Variants in MARCHF8 observed in about 807,000 individuals in gnomAD.
The protein encoded by MARCHF8 is E3 ubiquitin-protein ligase MARCHF8.
In MARCHF8, 40 loss-of-function variants were observed where a neutral mutation model predicts 51.6. That is an observed-to-expected ratio of 0.77 (90% CI 0.60 to 1.01). MARCHF8 has a LOEUF of 1.01. Ranked by LOEUF, MARCHF8 falls within the 50% of genes least tolerant of loss-of-function variation. MARCHF8 has a pLI of 0.00. For synonymous variants in MARCHF8, 263 were observed against 280.3 expected (o/e 0.94, Z 0.62); for missense variants, 685 against 708.6 (o/e 0.97, Z 0.38).
upstream of MARCHF8, among the ~76,000 whole-genome samples, chr10:45,538,963 C>A (rs1396852229): frequency 6.6e-6 from 1 of 152,148 alleles, no homozygotes; most frequent in Non-Finnish European, 1.5e-5. Context: ...CTGCACCAAG[C>A]GGACCTAATA....
At chr10:45,471,898 C>A (rs559867591) in intron 3 of MARCHF8, among the ~76,000 whole-genome samples, 60 of 152,308 alleles carry the variant, frequency 3.9e-4, no homozygotes, top group African/African-American at 1.3e-3. Flanking sequence ...AGAGAGTAAA[C>A]CTGCAGGTCT....
chr10:45,557,408 CG>C (rs2044264567), intron 1 of MARCHF8, among the ~76,000 whole-genome samples: 1 of 151,948 alleles, frequency 6.6e-6, no homozygotes. Context: ...GGATTACAGA[CG>C]TGAGACACCA....
chr10:45,504,542 A>G lies in MARCHF8; in HGVS notation c.103-15125T>C, dbSNP rs147093952. Among the ~76,000 whole-genome samples, 668 of 152,354 alleles carry G rather than the reference A, an allele frequency of 4.4e-3. 4 individuals are homozygous for G. The highest frequency in any genetic ancestry group is 0.015 in the African/African-American group (637 of 41,576). The stretch of plus-strand genomic sequence containing the variant: ...GTGTTTTTTCTGTATAAGCTAATCA[A>G]TACAGGACACCAGCTATCTAATTAC... On this transcript the variant is annotated intron_variant, in intron 2 of 7. Coordinates refer to ENST00000453424, the MANE Select transcript of MARCHF8 (RefSeq NM_001282866.2).
At chr10:45,532,562 T>A (rs1994426) in intron 2 of MARCHF8, among the ~76,000 whole-genome samples, 3 of 152,096 alleles carry the variant, frequency 2.0e-5, no homozygotes, top group Non-Finnish European at 2.9e-5. Flanking sequence ...TTCCTCCCTC[T>A]ATGCCATGTG....
At position 45,568,673 on chromosome 10, in the gene MARCHF8, GGCACCACTGCACTCCA is replaced by G. The variant is rs1274841301; in HGVS notation, c.-79+25546_-79+25561del. Among the ~76,000 whole-genome samples the G allele has an allele frequency of 2.1e-5, 3 of 144,198 alleles. No individual in the cohort carries two copies. The Admixed American group carries it at 2.1e-4, about 10-fold the overall frequency. The allele number at this position is 144,198 out of a possible 152,430, so 94.6% of individuals were successfully genotyped here. On this transcript the variant is annotated intron_variant, in intron 1 of 6. Coordinates refer to the MARCHF8 transcript ENST00000319836. Reference sequence around the variant, plus strand: ...GGCGGAGGTTGCAGTGAGTTGAGATGGCACCACTGCACTCCAGCCTGGTGACAGAGCGAGACTGTTT... The same window carrying G: ...GGCGGAGGTTGCAGTGAGTTGAGATGGCCTGGTGACAGAGCGAGACTGTTT...
At chr10:45,533,346 A>G in intron 1 of MARCHF8, 57 bp from the exon 2 acceptor site, 2 of 1,115,680 alleles carry the variant, frequency 1.8e-6, no homozygotes, top group Non-Finnish European at 2.3e-6. Context: ...TTAAATTTCC[A>G]AGAGTGAGCT....
chr10:45,568,123 T>C (rs1300877065), intron 1 of MARCHF8, among the ~76,000 whole-genome samples: 1 of 152,254 alleles, frequency 6.6e-6, no homozygotes, highest in African/African-American at 2.4e-5. Context: ...TACGTTAATT[T>C]TGTATCCTGC....
chr10:45,481,387 A>G (rs2042884695), intron 3 of MARCHF8, among the ~76,000 whole-genome samples: 1 of 152,132 alleles, frequency 6.6e-6, no homozygotes, highest in Non-Finnish European at 1.5e-5. Context: ...TGAGGACATG[A>G]GATTTGGGAG....
chr10:45,579,892 A>G (rs1175504665), intron 1 of MARCHF8, among the ~76,000 whole-genome samples: 1 of 151,064 alleles, frequency 6.6e-6, no homozygotes, highest in Non-Finnish European at 1.5e-5. Flanking sequence ...CGGGCATTGT[A>G]ATCCCAGCTA....
At chr10:45,474,413 C>T (rs760918380) in intron 3 of MARCHF8, among the ~76,000 whole-genome samples, 31 of 152,074 alleles carry the variant, frequency 2.0e-4, no homozygotes, top group Non-Finnish European at 4.3e-4. Flanking sequence ...CAGGCAGAGG[C>T]TCACAGCAGA....
At chr10:45,557,058 A>T (rs949733078) in intron 1 of MARCHF8, among the ~76,000 whole-genome samples, 3 of 151,652 alleles carry the variant, frequency 2.0e-5, no homozygotes, top group African/African-American at 2.4e-5. Context: ...AGATATCCAG[A>T]ATTTTTTCAT....
At chr10:45,470,150 CT>C (rs2132978248) in intron 3 of MARCHF8, among the ~76,000 whole-genome samples, 1 of 152,268 alleles carries the variant, frequency 6.6e-6, no homozygotes, top group African/African-American at 2.4e-5. Context: ...AACTTAGTGG[CT>C]TAAAACTACA....
intron 1 of MARCHF8, among the ~76,000 whole-genome samples, chr10:45,571,444 A>G (rs1426721893): frequency 2.0e-5 from 3 of 151,982 alleles, no homozygotes; most frequent in African/African-American, 7.3e-5. Flanking sequence ...ATCCTATAAA[A>G]TGGCCCCACC....
intron 3 of MARCHF8, among the ~76,000 whole-genome samples, chr10:45,484,001 A>G (rs1204937153): frequency 6.6e-6 from 1 of 152,330 alleles, no homozygotes; most frequent in African/African-American, 2.4e-5. Flanking sequence ...ACAACAGAGT[A>G]GGGTGACTAC....
intron 2 of MARCHF8, among the ~76,000 whole-genome samples, chr10:45,493,913 G>A (rs2043127938): frequency 6.6e-6 from 1 of 152,148 alleles, no homozygotes; most frequent in African/African-American, 2.4e-5. Flanking sequence ...AACCTCCCAA[G>A]TAGCTGAGAT....
chr10:45,552,128 T>G (rs1246101287), intron 1 of MARCHF8, among the ~76,000 whole-genome samples: 2 of 152,176 alleles, frequency 1.3e-5, no homozygotes, highest in African/African-American at 2.4e-5. Context: ...GACTAAACTT[T>G]GTATCCTTCC....
intron 1 of MARCHF8, among the ~76,000 whole-genome samples, chr10:45,563,150 C>T (rs559503554): frequency 9.9e-5 from 15 of 152,224 alleles, no homozygotes; most frequent in South Asian, 2.1e-4. Flanking sequence ...CCTCAGCTTT[C>T]GGGGTAGCTG....
chr10:45,503,938 A>G (rs1486785720), intron 2 of MARCHF8, among the ~76,000 whole-genome samples: 1 of 152,222 alleles, frequency 6.6e-6, no homozygotes, highest in Non-Finnish European at 1.5e-5. Context: ...CACAAAGACA[A>G]AAAGTAAATT....
At chr10:45,493,637 T>C (rs2043123292) in intron 2 of MARCHF8, among the ~76,000 whole-genome samples, 1 of 152,222 alleles carries the variant, frequency 6.6e-6, no homozygotes, top group South Asian at 2.1e-4. Flanking sequence ...TGTGGTTTGT[T>C]AGGTCTAGGG....
Sources: gnomAD v4.1 joint callset for allele counts (sites outside exome capture counted in the v4.1 genomes callset) on GRCh38, gnomAD v4.1.1 for gene constraint, MANE v1.5 for transcripts, NCBI Gene and HGNC (gene_info 2026-07-23, HGNC 2026-07-21) for gene names.